C12orf42: variants seen among roughly 807,000 people sequenced by gnomAD.
The protein encoded by C12orf42 is uncharacterized protein C12orf42.
Under a neutral mutation model 21.6 loss-of-function variants are expected in C12orf42, and 25 were observed. That is an observed-to-expected ratio of 1.16 (90% CI 0.84 to 1.62). C12orf42 has a LOEUF of 1.62. C12orf42 is among the 40% of genes most tolerant of loss of function. The probability of loss-of-function intolerance (pLI) is 0.00; values close to 1 mark genes in which losing one functional copy is unlikely to be tolerated. For synonymous variants in C12orf42, 174 were observed against 175.0 expected (o/e 0.99, Z 0.05); for missense variants, 483 against 459.3 (o/e 1.05, Z -0.47).
At chr12:103,298,305 C>T (rs1359684020), downstream of C12orf42, among the ~76,000 whole-genome samples, 2 of 152,150 alleles carry the variant, frequency 1.3e-5, no homozygotes, top group Non-Finnish European at 2.9e-5. Flanking sequence ...TTCCTATACA[C>T]CAATAACAGA....
upstream of C12orf42, among the ~76,000 whole-genome samples, chr12:103,499,788 A>T (rs186465440): frequency 6.6e-6 from 1 of 152,218 alleles, no homozygotes; most frequent in African/African-American, 2.4e-5. Context: ...TACTGTTTGA[A>T]CATCAGTACA....
chr12:103,213,622 C>G, the C12orf42 span, among the ~76,000 whole-genome samples: 101 of 152,308 alleles, frequency 6.6e-4, no homozygotes, highest in South Asian at 0.018. Context: ...CCTGGATCTT[C>G]GTGCAGTTGT....
the C12orf42 span, among the ~76,000 whole-genome samples, chr12:103,229,197 G>T: frequency 6.6e-6 from 1 of 152,108 alleles, no homozygotes; most frequent in South Asian, 2.1e-4. Context: ...CTCCACATCT[G>T]CCTTCCTTCC....
intron 4 of C12orf42, among the ~76,000 whole-genome samples, chr12:103,353,737 G>A (rs7981001): frequency 0.03 from 4,625 of 152,258 alleles, 208 homozygotes; most frequent in African/African-American, 0.1. Flanking sequence ...ACCAACAGGA[G>A]GGATGGAAAA....
At chr12:103,132,624 C>A in the C12orf42 span, among the ~76,000 whole-genome samples, 1 of 152,204 alleles carries the variant, frequency 6.6e-6, no homozygotes, top group Non-Finnish European at 1.5e-5. Flanking sequence ...CCTGCATCTC[C>A]ACATCTCTGG....
Position 103,368,913 on chromosome 12 carries a change from C to T in C12orf42, c.233G>A (p.Arg78His), listed in dbSNP as rs186161266. Residue 78 changes from arginine (R) to histidine (H), a missense_variant, in exon 4 of 6, where the codon CGT (arginine) becomes CAT (histidine). Physicochemically the swap from Arg to His is conservative, Grantham distance 29. Transcript: ENST00000548883. ...TGGAAAATTCAGAAAGTGTAGACTA[C>T]GAAATTTAGGAGATTCAGAGAAATT... ...MKNFSESPKF[R>H]SLHFLNFPVF... The T allele has an allele frequency of 4.4e-5, 70 of 1,585,900 alleles. No homozygotes were observed. The highest frequency in any genetic ancestry group is 1.4e-4 in the Admixed American group (8 of 57,680).
chr12:103,380,729 T>C (rs889810590), intron 3 of C12orf42, among the ~76,000 whole-genome samples: 1 of 152,202 alleles, frequency 6.6e-6, no homozygotes, highest in African/African-American at 2.4e-5. Context: ...TCTTGCTTAT[T>C]ATAAACTAAC....
intron 3 of C12orf42, among the ~76,000 whole-genome samples, chr12:103,395,551 G>A (rs2138559894): frequency 6.6e-6 from 1 of 152,204 alleles, no homozygotes; most frequent in Non-Finnish European, 1.5e-5. Context: ...TAGGCAGGAT[G>A]GTCTCGATCT....
At chr12:103,467,974 C>A (rs1025374549) in intron 2 of C12orf42, among the ~76,000 whole-genome samples, 3 of 152,114 alleles carry the variant, frequency 2.0e-5, no homozygotes, top group Non-Finnish European at 4.4e-5. Flanking sequence ...CTTTTTCTAC[C>A]TGGGTCTCTG....
the C12orf42 span, among the ~76,000 whole-genome samples, chr12:103,532,213 TA>T: frequency 6.6e-6 from 1 of 152,176 alleles, no homozygotes; most frequent in Non-Finnish European, 1.5e-5. Flanking sequence ...ACCCTGGGTA[TA>T]AAAAGCTCCA....
the C12orf42 span, among the ~76,000 whole-genome samples, chr12:103,106,151 C>A: frequency 6.6e-6 from 1 of 151,862 alleles, no homozygotes; most frequent in Admixed American, 6.6e-5. Flanking sequence ...AGTAGGGTGG[C>A]AAAAGACTTT....
chr12:103,460,614 C>T (rs1423034044), intron 2 of C12orf42, among the ~76,000 whole-genome samples: 1 of 152,130 alleles, frequency 6.6e-6, no homozygotes, highest in East Asian at 1.9e-4. Context: ...GCTTCAGAAC[C>T]TAACCAGAAG....
chr12:103,252,831 G>A (rs1211564881), intron 10 of C12orf42, among the ~76,000 whole-genome samples: 1 of 152,048 alleles, frequency 6.6e-6, no homozygotes, highest in African/African-American at 2.4e-5. Context: ...GTCAATGTTG[G>A]CTTTTGTTGC....
chr12:103,396,119 T>C (rs537825163), intron 3 of C12orf42, among the ~76,000 whole-genome samples: 1 of 151,828 alleles, frequency 6.6e-6, no homozygotes, highest in South Asian at 2.1e-4. Context: ...ATAGTTGATA[T>C]GGTTTGGCTG....
chr12:103,426,097 G>A (rs536494255), intron 2 of C12orf42, among the ~76,000 whole-genome samples: 2 of 152,210 alleles, frequency 1.3e-5, no homozygotes, highest in Non-Finnish European at 2.9e-5. Flanking sequence ...AACAAAACTG[G>A]ACGGAGAATG....
At chr12:103,260,073 T>C (rs2034816888) in intron 10 of C12orf42, among the ~76,000 whole-genome samples, 1 of 152,196 alleles carries the variant, frequency 6.6e-6, no homozygotes, top group Non-Finnish European at 1.5e-5. Flanking sequence ...ATTGAACTAG[T>C]ACATTTTCAG....
At chr12:103,067,840 T>C in the C12orf42 span, among the ~76,000 whole-genome samples, 56 of 152,254 alleles carry the variant, frequency 3.7e-4, no homozygotes, top group Admixed American at 3.3e-3. Flanking sequence ...GTTGTGGTGA[T>C]TGACCCAGAC....
chr12:103,320,086 C>G (rs1233298422), intron 4 of C12orf42, among the ~76,000 whole-genome samples: 16 of 152,126 alleles, frequency 1.1e-4, no homozygotes. Flanking sequence ...TCTGTCAGAA[C>G]CTACTGCTGT....
chr12:103,309,623 C>CAA (rs5800582), intron 4 of C12orf42, among the ~76,000 whole-genome samples: 25 of 142,632 alleles, frequency 1.8e-4, no homozygotes, highest in African/African-American at 6.4e-4. Flanking sequence ...TCTTTTCACT[C>CAA]AAAAAAAAAA....
Sources: allele counts gnomAD v4.1 joint callset (sites outside exome capture counted in the v4.1 genomes callset), GRCh38; gene constraint gnomAD v4.1.1; transcripts MANE v1.5; gene names NCBI Gene and HGNC (gene_info 2026-07-23, HGNC 2026-07-21).